DIAPH2: variants seen among roughly 807,000 people sequenced by gnomAD.
DIAPH2 encodes the protein diaphanous related formin 2.
A neutral mutation model predicts 92.7 loss-of-function variants in DIAPH2; 35 were observed. That is an observed-to-expected ratio of 0.38 (90% CI 0.29 to 0.50). The LOEUF (loss-of-function observed/expected upper bound fraction) is 0.50. Ranked by LOEUF, DIAPH2 falls within the 20% of genes least tolerant of loss-of-function variation. The probability of loss-of-function intolerance (pLI) is 0.94; values close to 1 mark genes in which losing one functional copy is unlikely to be tolerated. For missense variants in DIAPH2, 701 were observed against 819.5 expected (o/e 0.86, Z 1.77); for synonymous variants, 301 against 280.4 (o/e 1.07, Z -0.73).
At position 97,603,270 on chromosome X, in the gene DIAPH2, G is replaced by GTATT. The variant is rs1356373901; in HGVS notation, c.*3954_*3957dup. Reference sequence around the variant, plus strand: ...TCTTTAAAAAAAAATTTTTTTTAATGTATTAGAGATGAGGTCTCACTCTGT... The same window carrying GTATT: ...TCTTTAAAAAAAAATTTTTTTTAATGTATTTATTAGAGATGAGGTCTCACTCTGT... On this transcript the variant is annotated 3_prime_UTR_variant, in exon 27 of 27. Coordinates refer to ENST00000324765, the MANE Select transcript of DIAPH2 (RefSeq NM_006729.5). 2 of 108,725 alleles carry GTATT rather than the reference G, an allele frequency of 1.8e-5. No homozygotes were observed. The highest frequency in any genetic ancestry group is 2.9e-4 in the East Asian group (1 of 3,475). 9.0% of individuals were successfully genotyped at this position (108,725 alleles called of 1,213,427 possible).
intron 23 of DIAPH2, among the ~76,000 whole-genome samples, chrX:97,253,136 A>G (rs2147557833): frequency 1.8e-5 from 2 of 109,263 alleles, no homozygotes; most frequent in South Asian, 8.0e-4. Flanking sequence ...TAAAAATACA[A>G]AATTAGCCGG....
At chrX:97,414,596 T>C (rs891003601) in intron 25 of DIAPH2, among the ~76,000 whole-genome samples, 1 of 99,574 alleles carries the variant, frequency 1.0e-5, no homozygotes, top group African/African-American at 3.8e-5. Flanking sequence ...CTTCTTGCAG[T>C]GAGTGGGAGA....
chrX:97,428,460 C>A (rs767579576), intron 25 of DIAPH2, among the ~76,000 whole-genome samples: 10 of 106,136 alleles, frequency 9.4e-5, no homozygotes, highest in Non-Finnish European at 1.9e-4. Flanking sequence ...ACCCCGGAGG[C>A]AGAGGTTGTG....
chrX:96,963,469 A>G (rs1041490153), intron 16 of DIAPH2, among the ~76,000 whole-genome samples: 2 of 111,832 alleles, frequency 1.8e-5, no homozygotes. Context: ...TGCTCATTCT[A>G]GAGCAATGCC....
chrX:96,764,761 G>A (rs751794040), intron 4 of DIAPH2, among the ~76,000 whole-genome samples: 1 of 111,645 alleles, frequency 9.0e-6, no homozygotes, highest in South Asian at 3.8e-4. Flanking sequence ...AAGAAGTACT[G>A]GATTCTGATA....
At chrX:97,584,335 A>G (rs969874474) in intron 26 of DIAPH2, among the ~76,000 whole-genome samples, 2 of 112,267 alleles carry the variant, frequency 1.8e-5, no homozygotes, top group African/African-American at 6.5e-5. Flanking sequence ...AGAACCTAAT[A>G]ATTTTGGGTC....
At chrX:97,531,957 T>G (rs781777905) in intron 26 of DIAPH2, among the ~76,000 whole-genome samples, 1 of 112,655 alleles carries the variant, frequency 8.9e-6, no homozygotes, top group Non-Finnish European at 1.9e-5. Flanking sequence ...ATTTTAAAAT[T>G]ACATGTCAAA....
intron 4 of DIAPH2, among the ~76,000 whole-genome samples, chrX:96,796,472 G>A (rs988289060): frequency 3.6e-5 from 4 of 111,953 alleles, no homozygotes; most frequent in Non-Finnish European, 7.5e-5. Context: ...GAGCCACCAC[G>A]CTGGCCTCTT....
chrX:96,759,658 T>C (rs1264685787), intron 4 of DIAPH2, among the ~76,000 whole-genome samples: 1 of 111,731 alleles, frequency 9.0e-6, no homozygotes, highest in African/African-American at 3.2e-5. Context: ...TGAATCTGAG[T>C]GCAAAGTACA....
chrX:97,422,019 A>G (rs1346833196), intron 25 of DIAPH2, among the ~76,000 whole-genome samples: 1 of 111,974 alleles, frequency 8.9e-6, no homozygotes, highest in Non-Finnish European at 1.9e-5. Context: ...ATAAATAGAC[A>G]AAACTAATAT....
intron 17 of DIAPH2, among the ~76,000 whole-genome samples, chrX:96,989,363 A>C (rs2066053182): frequency 8.9e-6 from 1 of 112,011 alleles, no homozygotes; most frequent in African/African-American, 3.2e-5. Flanking sequence ...TTAGTCCTAC[A>C]GAATGAGTGG....
chrX:97,323,496 C>T (rs1377599872), intron 23 of DIAPH2, among the ~76,000 whole-genome samples: 2 of 99,243 alleles, frequency 2.0e-5, no homozygotes, highest in African/African-American at 7.4e-5. Flanking sequence ...GAGGCTGAGG[C>T]GGGAGAATGG....
rs750083005 is a variant in DIAPH2 at position 96,916,579 on chromosome X, G to C, written c.869+5G>C. On this transcript the variant is annotated splice_donor_5th_base_variant and intron_variant, in intron 8 of 26. Coordinates refer to ENST00000324765, the MANE Select transcript of DIAPH2 (RefSeq NM_006729.5). ...CATTGTTGGAGAAGAGAACATGTAA[G>C]TATTGCTATATTATTATATTTGCTG... The C allele has an allele frequency of 3.4e-6, 4 of 1,190,093 alleles. No individual in the cohort carries two copies. Among genetic ancestry groups the C allele is most frequent in the South Asian group, 3.8e-5 (2 of 53,247 alleles).
intron 23 of DIAPH2, among the ~76,000 whole-genome samples, chrX:97,265,833 A>G (rs763045316): frequency 1.8e-5 from 2 of 111,909 alleles, no homozygotes; most frequent in African/African-American, 6.5e-5. Context: ...TGTTCAGTAA[A>G]TATTATTATC....
intron 26 of DIAPH2, among the ~76,000 whole-genome samples, chrX:97,495,774 C>G (rs951774219): frequency 2.5e-4 from 28 of 111,733 alleles, no homozygotes; most frequent in African/African-American, 8.4e-4. Context: ...ACAGTTTAAA[C>G]TTTTCTCATC....
At position 97,593,277 on chromosome X, in the gene DIAPH2, A is replaced by G. The variant is rs1291316227; in HGVS notation, c.3242-5976A>G. Among the ~76,000 whole-genome samples the G allele has an allele frequency of 4.5e-5, 5 of 111,522 alleles. No individual in the cohort carries two copies. The East Asian group carries it at 1.4e-3, about 31-fold the overall frequency. ...AAAATATGGAATAATCTCAATGTCAATGGAACAGAAACCCGAGTATAGCAA... is the reference window on the plus strand; with the variant it reads ...AAAATATGGAATAATCTCAATGTCAGTGGAACAGAAACCCGAGTATAGCAA... On this transcript the variant is annotated intron_variant, in intron 26 of 26. Transcript: ENST00000324765.
In DIAPH2 at chrX:97,324,145, T is replaced by A. The variant is rs781392371; in HGVS notation, c.2845-23971T>A. Among the ~76,000 whole-genome samples the A allele has an allele frequency of 1.3e-4, 14 of 111,750 alleles. No individual in the cohort carries two copies. In the Admixed American group the frequency reaches 1.3e-3, roughly 11 times the overall value. On this transcript the variant is annotated intron_variant, in intron 23 of 26. Coordinates refer to ENST00000324765, the MANE Select transcript of DIAPH2 (RefSeq NM_006729.5). ...GATGACAGTGATATTTTCTATGATA[T>A]TCCCATTCGAGAAGCCCCTTGCTGT...
chrX:97,557,368 A>G (rs1332399422), intron 26 of DIAPH2, among the ~76,000 whole-genome samples: 21 of 111,508 alleles, frequency 1.9e-4, no homozygotes, highest in Non-Finnish European at 3.0e-4. Context: ...GTGAAACCCC[A>G]TCTCTACCAA....
At chrX:97,514,672 G>T (rs1473388254) in intron 26 of DIAPH2, among the ~76,000 whole-genome samples, 89 of 109,489 alleles carry the variant, frequency 8.1e-4, no homozygotes, top group Middle Eastern at 4.7e-3. Context: ...TGATGGTGAT[G>T]TACAGATGGG....
Sources: gnomAD v4.1 joint callset for allele counts (sites outside exome capture counted in the v4.1 genomes callset) on GRCh38, gnomAD v4.1.1 for gene constraint, MANE v1.5 for transcripts, NCBI Gene and HGNC (gene_info 2026-07-23, HGNC 2026-07-21) for gene names.